The following C11orf97 variants were observed in gnomAD, a reference collection of about 807,000 sequenced individuals.
C11orf97 encodes chromosome 11 open reading frame 97, also known as uncharacterized protein C11orf97.
C11orf97 carries 15 observed loss-of-function variants against 16.2 expected under a neutral mutation model. That is an observed-to-expected ratio of 0.93 (90% CI 0.62 to 1.43). C11orf97 has a LOEUF of 1.43. Among genes scored for constraint, C11orf97 ranks in the 40% most tolerant of loss-of-function variants. The probability of loss-of-function intolerance (pLI) is 0.00; values close to 1 mark genes in which losing one functional copy is unlikely to be tolerated. For missense variants in C11orf97, 171 were observed against 161.2 expected (o/e 1.06, Z -0.33); for synonymous variants, 61 against 65.7 (o/e 0.93, Z 0.34).
chr11:94,516,898 G>A (rs544337), intron 1 of C11orf97, among the ~76,000 whole-genome samples: 84,551 of 151,998 alleles, frequency 0.56, 23,818 homozygotes, highest in African/African-American at 0.58. Flanking sequence ...GAGGCTGACC[G>A]GAGAGATTAG....
At position 94,517,587 on chromosome 11, in the gene C11orf97, G is replaced by T; in HGVS notation, c.150G>T (p.Lys50Asn). Residue 50 changes from lysine (K) to asparagine (N), a missense_variant, in exon 2 of 4, where the codon AAG becomes AAT. Lys to Asn is a moderately conservative substitution (Grantham distance 94). Coordinates refer to ENST00000542198, the MANE Select transcript of C11orf97 (RefSeq NM_001190462.2). The part of the protein sequence containing the change: ...RGPLEHGQQW[K>N]KFLYCEPHKR... ...ATTTTGTTAATGCCTTTATAGGGAA[G>T]AAATTTTTATATTGTGAGCCACATA... The T allele has an allele frequency of 1.3e-6, 2 of 1,523,224 alleles. No individual in the cohort carries two copies. The highest frequency in any genetic ancestry group is 4.9e-5 in the East Asian group (2 of 40,504). The allele number at this position is 1,523,224 out of a possible 1,614,324, so 94.4% of individuals were successfully genotyped here.
intron 2 of C11orf97, among the ~76,000 whole-genome samples, chr11:94,519,326 A>C (rs1947638657): frequency 1.3e-5 from 2 of 152,316 alleles, no homozygotes; most frequent in South Asian, 4.1e-4. Flanking sequence ...TCTTCAAGGA[A>C]AGTTTTAAAG....
chr11:94,527,957 G>C, intron 2 of C11orf97, 127 bp from the exon 3 acceptor site: 2 of 831,198 alleles, frequency 2.4e-6, no homozygotes, highest in African/African-American at 1.7e-5. Flanking sequence ...TGAGTGGTTT[G>C]ATTAGTCAAA....
intron 1 of C11orf97, 112 bp from the exon 2 acceptor site, chr11:94,517,471 T>C (rs557682525): frequency 1.3e-5 from 7 of 530,976 alleles, no homozygotes; most frequent in African/African-American, 9.8e-5. Flanking sequence ...TGTCTGATAT[T>C]TGTATGGAAT....
chr11:94,519,039 G>A (rs916482789), intron 2 of C11orf97, among the ~76,000 whole-genome samples: 1 of 152,018 alleles, frequency 6.6e-6, no homozygotes, highest in East Asian at 1.9e-4. Flanking sequence ...CTCCTGAGTA[G>A]CTGGGATTAC....
intron 2 of C11orf97, among the ~76,000 whole-genome samples, chr11:94,525,233 G>A (rs1210978156): frequency 6.6e-6 from 1 of 152,090 alleles, no homozygotes; most frequent in East Asian, 1.9e-4. Context: ...TTTTCAAGTT[G>A]CAAGGTCTTT....
intron 1 of C11orf97, 121 bp downstream of exon 1, chr11:94,512,794 C>A: frequency 9.2e-7 from 1 of 1,092,726 alleles, no homozygotes; most frequent in Non-Finnish European, 1.2e-6. Context: ...GGAGGTGGAG[C>A]TGCTGCTTTT....
chr11:94,531,981 G>A lies in C11orf97; in HGVS notation c.*81G>A. 8.2e-7 allele frequency: 1 copy of A among 1,219,610 alleles called. No homozygotes were observed. 75.5% of individuals were successfully genotyped at this position (1,219,610 alleles called of 1,614,324 possible). On this transcript the variant is annotated 3_prime_UTR_variant, in exon 4 of 4. Transcript: ENST00000542198. ...GGAGAAGAAACTCAAGCTTGTTTCA[G>A]GATTTAAGATGTGTGCAAAAAAATG...
chr11:94,519,316 T>C (rs1282655462), intron 2 of C11orf97, among the ~76,000 whole-genome samples: 1 of 152,200 alleles, frequency 6.6e-6, no homozygotes, highest in Non-Finnish European at 1.5e-5. Flanking sequence ...TCCCATAATA[T>C]CTTCAAGGAA....
chr11:94,522,823 A>T (rs1039156938), intron 2 of C11orf97, among the ~76,000 whole-genome samples: 3 of 152,226 alleles, frequency 2.0e-5, no homozygotes, highest in Non-Finnish European at 4.4e-5. Context: ...AGTTGTCAAT[A>T]TTTTAAAATT....
At chr11:94,518,910 T>G (rs1947635155) in intron 2 of C11orf97, among the ~76,000 whole-genome samples, 10 of 147,612 alleles carry the variant, frequency 6.8e-5, no homozygotes, top group Admixed American at 6.0e-4. Context: ...GTGCCCACTT[T>G]ACATTTTTTT....
chr11:94,519,937 C>T (rs577448804), intron 2 of C11orf97, among the ~76,000 whole-genome samples: 1 of 152,314 alleles, frequency 6.6e-6, no homozygotes, highest in African/African-American at 2.4e-5. Flanking sequence ...GCAGTGACCC[C>T]TCCTTTATAT....
chr11:94,528,250 G>A (rs1947714138), intron 3 of C11orf97, 41 bp downstream of exon 3: 7 of 1,505,546 alleles, frequency 4.6e-6, no homozygotes, highest in Admixed American at 4.5e-5. Context: ...AAGCCCCTGA[G>A]GGGACTTTAC....
intron 1 of C11orf97, among the ~76,000 whole-genome samples, chr11:94,512,919 T>C (rs930717552): frequency 2.0e-5 from 3 of 151,744 alleles, no homozygotes; most frequent in African/African-American, 7.3e-5. Flanking sequence ...AATTTAATCA[T>C]AGTGGCGTTA....
intron 3 of C11orf97, among the ~76,000 whole-genome samples, chr11:94,528,796 A>G (rs141006370): frequency 1.6e-4 from 24 of 152,326 alleles, no homozygotes; most frequent in Middle Eastern, 3.4e-3. Context: ...AGGTCTTCAT[A>G]TGGAAGCACA....
In C11orf97 at chr11:94,512,598, C is replaced by A; in HGVS notation, c.70C>A (p.Pro24Thr). Residue 24 changes from proline to threonine, a missense_variant, in exon 1 of 4, where the codon CCT becomes ACT. Pro to Thr is a conservative substitution (Grantham distance 38). Transcript: ENST00000542198. ...CAAGGCGGGTCGCGAAGAGGAGCAG[C>A]CTCCTCCGCCAGCAGGGCTGGGGTG... ...APKAGREEEQ[P>T]PPPAGLGCGA... 7.8e-7 allele frequency: 1 copy of A among 1,279,478 alleles called. No individual in the cohort carries two copies. The highest frequency in any genetic ancestry group is 9.9e-7 in the Non-Finnish European group (1 of 1,012,560). The allele number at this position is 1,279,478 out of a possible 1,614,324, so 79.3% of individuals were successfully genotyped here. A position where few individuals can be genotyped will look rare whatever the true frequency, so the allele number is the denominator to read the frequency against.
rs2509324 is a variant in C11orf97 at position 94,512,574 on chromosome 11, A to G, written c.46A>G (p.Lys16Glu). ...GGTGGTGACCGCAGTGGTGGCGCCC[A>G]AGGCGGGTCGCGAAGAGGAGCAGCC... is the stretch of plus-strand genomic sequence containing the variant. ...AVVVTAVVAP[K>E]AGREEEQPPP... Residue 16 changes from lysine to glutamate, a missense_variant, in exon 1 of 4, where the codon AAG becomes GAG. Coordinates refer to ENST00000542198, the MANE Select transcript of C11orf97 (RefSeq NM_001190462.2). 750,162 of 1,294,986 alleles carry G rather than the reference A, an allele frequency of 0.58. 219,036 individuals carry two copies. The highest frequency in any genetic ancestry group is 0.59 in the Non-Finnish European group (603,079 of 1,021,108). The allele number at this position is 1,294,986 out of a possible 1,614,324, so 80.2% of individuals were successfully genotyped here. A position where few individuals can be genotyped will look rare whatever the true frequency, so the allele number is the denominator to read the frequency against.
chr11:94,529,723 A>G (rs1278987644), intron 3 of C11orf97, among the ~76,000 whole-genome samples: 1 of 152,196 alleles, frequency 6.6e-6, no homozygotes, highest in Non-Finnish European at 1.5e-5. Flanking sequence ...CAGAGAATCT[A>G]GTCACTGTGC....
intron 3 of C11orf97, among the ~76,000 whole-genome samples, chr11:94,529,369 A>C (rs1209763490): frequency 1.3e-5 from 2 of 152,214 alleles, no homozygotes; most frequent in Non-Finnish European, 2.9e-5. Flanking sequence ...GAGGTTAAAA[A>C]AACAAACACA....
Sources: gnomAD v4.1 joint callset for allele counts (sites outside exome capture counted in the v4.1 genomes callset) on GRCh38, gnomAD v4.1.1 for gene constraint, MANE v1.5 for transcripts, NCBI Gene and HGNC (gene_info 2026-07-23, HGNC 2026-07-21) for gene names.